The following DIP2B variants were observed in gnomAD, a reference collection of about 807,000 sequenced individuals.
DIP2B encodes the protein DIP2 acetate--CoA ligase B (putative), also known as disco-interacting protein 2 homolog B.
A neutral mutation model predicts 198.0 loss-of-function variants in DIP2B; 76 were observed. The observed-to-expected ratio is 0.38, with a 90% CI of 0.32 to 0.46. The LOEUF is 0.46. DIP2B is among the 20% of genes least tolerant of loss of function. The pLI is 0.99. For missense variants in DIP2B, 1,559 were observed against 1,978.4 expected, an observed-to-expected ratio of 0.79 and a Z score of 4.02; for synonymous variants, 701 against 739.1, an observed-to-expected ratio of 0.95 and a Z score of 0.84.
rs35845404 is a variant in DIP2B at position 50,745,909 on chromosome 12, T to C, written c.*1070T>C. 1 of 151,908 alleles carries C rather than the reference T, an allele frequency of 6.6e-6. No homozygotes were observed. Among genetic ancestry groups the C allele is most frequent in the African/African-American group, 2.4e-5 (1 of 41,326 alleles). The allele number at this position is 151,908 out of a possible 1,614,324, so 9.4% of individuals were successfully genotyped here. ...AACTTCTCTTCTGAAAACTGAGGAGTGTCCTCTGTTCTTCCAGTTCACGAG... is the reference window on the plus strand; with the variant it reads ...AACTTCTCTTCTGAAAACTGAGGAGCGTCCTCTGTTCTTCCAGTTCACGAG... On this transcript the variant is annotated 3_prime_UTR_variant, in exon 38 of 38. Transcript: ENST00000301180.
intron 16 of DIP2B, 99 bp downstream of exon 16, chr12:50,696,066 C>T (rs561256805): frequency 1.3e-6 from 2 of 1,529,000 alleles, no homozygotes; most frequent in Non-Finnish European, 1.8e-6. Context: ...CTGAAAAACT[C>T]ACTCATTTAA....
chr12:50,652,892 T>C (rs1938482183), intron 3 of DIP2B, among the ~76,000 whole-genome samples: 1 of 152,120 alleles, frequency 6.6e-6, no homozygotes, highest in Non-Finnish European at 1.5e-5. Flanking sequence ...AATGGCATTA[T>C]TTTCTTAATT....
intron 3 of DIP2B, among the ~76,000 whole-genome samples, chr12:50,645,317 C>T (rs1487378924): frequency 2.0e-5 from 3 of 152,102 alleles, no homozygotes; most frequent in South Asian, 2.1e-4. Context: ...AAGATATATA[C>T]ATACATATAC....
At position 50,726,025 on chromosome 12, in the gene DIP2B, T is replaced by TA. The variant is rs1277513503; in HGVS notation, c.3400+1140dup. Among the ~76,000 whole-genome samples the TA allele has an allele frequency of 4.0e-4, 61 of 152,110 alleles. 1 individual carries two copies. Among genetic ancestry groups the TA allele is most frequent in the African/African-American group, 1.4e-3 (58 of 41,414 alleles). On this transcript the variant is annotated intron_variant, in intron 28 of 37. Transcript: ENST00000301180. Reference sequence around the variant, plus strand: ...ATTGTGTTGGTGTTAATGATGCTGGTAGGTCTATGGTTAATGGGCTCAATC... The same window carrying TA: ...ATTGTGTTGGTGTTAATGATGCTGGTAAGGTCTATGGTTAATGGGCTCAATC...
chr12:50,507,034 T>A (rs1957974380), intron 1 of DIP2B, among the ~76,000 whole-genome samples: 1 of 152,170 alleles, frequency 6.6e-6, no homozygotes, highest in Non-Finnish European at 1.5e-5. Flanking sequence ...ATCTCTAGAA[T>A]GTCTAGAAAC....
chr12:50,512,187 A>G (rs1415207615), intron 1 of DIP2B, among the ~76,000 whole-genome samples: 1 of 147,140 alleles, frequency 6.8e-6, no homozygotes, highest in Non-Finnish European at 1.5e-5. Flanking sequence ...GCTCACTGCA[A>G]CCTCCACCTC....
intron 1 of DIP2B, among the ~76,000 whole-genome samples, chr12:50,547,288 T>C (rs1958386359): frequency 6.6e-6 from 1 of 152,186 alleles, no homozygotes; most frequent in Admixed American, 6.6e-5. Context: ...TGTACAACAC[T>C]AGAGTAATTT....
intron 1 of DIP2B, among the ~76,000 whole-genome samples, chr12:50,531,793 C>T (rs1258889034): frequency 6.6e-6 from 1 of 152,198 alleles, no homozygotes; most frequent in African/African-American, 2.4e-5. Context: ...TCTCTCCTCA[C>T]TAGAAAATAA....
chr12:50,579,732 G>A (rs1958706417), intron 1 of DIP2B, among the ~76,000 whole-genome samples: 9 of 121,908 alleles, frequency 7.4e-5, no homozygotes, highest in Admixed American at 9.3e-5. Context: ...TAGCTTCATG[G>A]ACCCCTGTAA....
chr12:50,625,783 A>G (rs1446314164), intron 1 of DIP2B, among the ~76,000 whole-genome samples, 193 bp from the exon 2 acceptor site: 1 of 152,182 alleles, frequency 6.6e-6, no homozygotes, highest in Non-Finnish European at 1.5e-5. Context: ...ACAGTATTCT[A>G]CAGGAAGTCA....
At chr12:50,543,550 A>G (rs1275608979) in intron 1 of DIP2B, among the ~76,000 whole-genome samples, 1 of 151,572 alleles carries the variant, frequency 6.6e-6, no homozygotes, top group Non-Finnish European at 1.5e-5. Context: ...CGGCCTCCCA[A>G]AGTGCTGGGA....
At chr12:50,540,523 T>A (rs539924104) in intron 1 of DIP2B, among the ~76,000 whole-genome samples, 76 of 151,058 alleles carry the variant, frequency 5.0e-4, no homozygotes, top group Non-Finnish European at 1.0e-3. Flanking sequence ...AATCTCTGGA[T>A]AGGACATTAT....
chr12:50,649,822 A>G (rs988524913), intron 3 of DIP2B, among the ~76,000 whole-genome samples: 12 of 151,402 alleles, frequency 7.9e-5, no homozygotes, highest in African/African-American at 2.7e-4. Flanking sequence ...TGCCACTGCA[A>G]TCCGGCCTGG....
chr12:50,706,614 T>C lies in DIP2B; in HGVS notation c.2483T>C (p.Ile828Thr), dbSNP rs1939517868. ...GGTCGAAGACATAATGCTGATGACA[T>C]TGTTGCTACTGGATTGGCTGTAGAA... is the stretch of plus-strand genomic sequence containing the variant. ...VSGRRHNADD[I>T]VATGLAVESI... The change falls in exon 21 of 38, where the codon ATT (isoleucine) becomes ACT (threonine). Residue 828 changes from isoleucine to threonine, a missense_variant. By Grantham distance (89) the Ile-to-Thr change is moderately conservative. Coordinates refer to ENST00000301180, the MANE Select transcript of DIP2B (RefSeq NM_173602.3). 2 of 1,613,982 alleles carry C rather than the reference T, an allele frequency of 1.2e-6. No homozygotes were observed. The highest frequency in any genetic ancestry group is 1.7e-6 in the Non-Finnish European group (2 of 1,180,004).
intron 1 of DIP2B, among the ~76,000 whole-genome samples, chr12:50,577,338 G>A (rs954175557): frequency 5.3e-5 from 8 of 151,736 alleles, no homozygotes; most frequent in Non-Finnish European, 1.0e-4. Context: ...GAGACCATCC[G>A]GGCTAACACA....
At chr12:50,664,747 T>G (rs757658914) in intron 4 of DIP2B, among the ~76,000 whole-genome samples, 1 of 151,516 alleles carries the variant, frequency 6.6e-6, no homozygotes, top group Non-Finnish European at 1.5e-5. Flanking sequence ...AATTTAGAAG[T>G]CTGTCTCACA....
chr12:50,572,754 G>C (rs761679791), intron 1 of DIP2B, among the ~76,000 whole-genome samples: 1 of 152,132 alleles, frequency 6.6e-6, no homozygotes, highest in Admixed American at 6.5e-5. Flanking sequence ...GTTCTCCTTT[G>C]TGCTGACAGA....
At chr12:50,590,263 T>C (rs979640151) in intron 1 of DIP2B, among the ~76,000 whole-genome samples, 1 of 152,100 alleles carries the variant, frequency 6.6e-6, no homozygotes, top group African/African-American at 2.4e-5. Context: ...CCTCCCAAAA[T>C]TCTGGGATTA....
chr12:50,578,762 C>T (rs1183481425), intron 1 of DIP2B, among the ~76,000 whole-genome samples: 1 of 151,902 alleles, frequency 6.6e-6, no homozygotes, highest in Non-Finnish European at 1.5e-5. Context: ...CCCGCCTCGG[C>T]CTCCCAAAGT....
Sources: allele counts gnomAD v4.1 joint callset (sites outside exome capture counted in the v4.1 genomes callset), GRCh38; gene constraint gnomAD v4.1.1; transcripts MANE v1.5; gene names NCBI Gene and HGNC (gene_info 2026-07-23, HGNC 2026-07-21).